Variants in TXK observed in about 807,000 individuals in gnomAD.
The protein encoded by TXK is tyrosine-protein kinase TXK.
Under a neutral mutation model 81.0 loss-of-function variants are expected in TXK, and 60 were observed. The observed-to-expected ratio is 0.74, with a 90% CI of 0.60 to 0.92. The LOEUF is 0.92. Among genes scored for constraint, TXK ranks in the 40% least tolerant of loss-of-function variants. The pLI, the probability that TXK is intolerant of heterozygous loss-of-function variation, is 0.00. For synonymous variants in TXK, 203 were observed against 210.7 expected, an observed-to-expected ratio of 0.96 and a Z score of 0.32; for missense variants, 581 against 638.3, an observed-to-expected ratio of 0.91 and a Z score of 0.97.
At chr4:48,073,878 A>ACACATTGCC in intron 13 of TXK, 57 bp downstream of exon 13, 1 of 1,143,786 alleles carries the variant, frequency 8.7e-7, no homozygotes, top group South Asian at 1.5e-5. Flanking sequence ...GTTAAAAATA[A>ACACATTGCC]CACATTGCCC....
At chr4:48,097,072 TAATA>T (rs1201711390) in intron 6 of TXK, among the ~76,000 whole-genome samples, 1 of 151,990 alleles carries the variant, frequency 6.6e-6, no homozygotes, top group African/African-American at 2.4e-5. Flanking sequence ...AGAAATAAAT[TAATA>T]AAGACAAAAC....
intron 5 of TXK, 51 bp from the exon 6 acceptor site, chr4:48,105,006 G>GA (rs1718406616): frequency 1.5e-6 from 2 of 1,323,842 alleles, no homozygotes; most frequent in Admixed American, 2.2e-5. Flanking sequence ...ATTTTTTTAA[G>GA]AAAAAAGTGC....
intron 1 of TXK, among the ~76,000 whole-genome samples, chr4:48,131,161 CCT>C (rs1271093424): frequency 2.0e-5 from 3 of 152,096 alleles, no homozygotes; most frequent in African/African-American, 7.2e-5. Flanking sequence ...GGAGCAGTGC[CCT>C]GAGACCCCAC....
intron 13 of TXK, among the ~76,000 whole-genome samples, chr4:48,073,050 G>T (rs1281550419): frequency 6.6e-6 from 1 of 151,508 alleles, no homozygotes; most frequent in East Asian, 1.9e-4. Context: ...TCAGCCTCCC[G>T]AGGAACTGGG....
At chr4:48,114,671 C>A in intron 1 of TXK, 1 of 406,896 alleles carries the variant, frequency 2.5e-6, no homozygotes, top group Admixed American at 4.0e-5. Flanking sequence ...CCAGTGTATT[C>A]TCTTTTACCT....
chr4:48,105,319 T>C (rs1718417585), intron 5 of TXK, among the ~76,000 whole-genome samples: 1 of 152,198 alleles, frequency 6.6e-6, no homozygotes, highest in Non-Finnish European at 1.5e-5. Flanking sequence ...CTGTCTTTCC[T>C]CTCAGAAACT....
At chr4:48,068,788 G>T (rs933599492) in intron 14 of TXK, among the ~76,000 whole-genome samples, 1 of 152,156 alleles carries the variant, frequency 6.6e-6, no homozygotes, top group African/African-American at 2.4e-5. Context: ...ATTGACAGTA[G>T]GGTCAGCGGA....
intron 6 of TXK, among the ~76,000 whole-genome samples, chr4:48,096,351 T>C (rs1164768848): frequency 6.6e-6 from 1 of 152,176 alleles, no homozygotes; most frequent in Non-Finnish European, 1.5e-5. Flanking sequence ...CAAACAAGTA[T>C]ATATAATATG....
rs571614468 is a variant in TXK at position 48,073,117 on chromosome 4, G to T, written c.1357+818C>A. Among the ~76,000 whole-genome samples the T allele has an allele frequency of 5.3e-5, 7 of 131,548 alleles. No homozygotes were observed. In the South Asian group the frequency reaches 1.7e-3, roughly 32 times the overall value. The allele number at this position is 131,548 out of a possible 152,430, so 86.3% of individuals were successfully genotyped here. ...TTTTTTTTTTTTTTTTGTAAAGACA[G>T]AGTCTTGCTAGGTTGCCCAGGCTAG... On this transcript the variant is annotated intron_variant, in intron 13 of 14. Transcript: ENST00000264316.
intron 6 of TXK, among the ~76,000 whole-genome samples, chr4:48,097,002 A>G (rs1718006701): frequency 6.6e-6 from 1 of 152,330 alleles, no homozygotes; most frequent in African/African-American, 2.4e-5. Flanking sequence ...AATAAAAATA[A>G]GCATATTCAA....
rs760259491 is a variant in TXK, at chr4:48,114,381, A to G, written c.38T>C (p.Phe13Ser). 9.3e-6 allele frequency: 15 copies of G among 1,614,150 alleles called. No homozygotes were observed. In the South Asian group the frequency reaches 1.6e-4, roughly 18 times the overall value. ...LSSYNTIQSVFCCCCCCSVQK... is the reference protein window; with the variant it reads ...LSSYNTIQSVSCCCCCCSVQK... ...CACTGAACAGCAACAGCAGCAACAGAAAACCGACTGGATGGTGTTATCTGA... is the reference window on the plus strand; with the variant it reads ...CACTGAACAGCAACAGCAGCAACAGGAAACCGACTGGATGGTGTTATCTGA... The change falls in exon 2 of 15, where the codon TTC (phenylalanine) becomes TCC (serine). Residue 13 changes from phenylalanine (F) to serine (S), a missense_variant. Coordinates refer to ENST00000264316, the MANE Select transcript of TXK (RefSeq NM_003328.3).
intron 14 of TXK, among the ~76,000 whole-genome samples, chr4:48,069,878 A>G (rs1393593739): frequency 1.3e-5 from 2 of 152,206 alleles, no homozygotes; most frequent in Non-Finnish European, 2.9e-5. Flanking sequence ...TATTGCAAAG[A>G]TGCTCCTAAA....
At chr4:48,074,614 T>C (rs552719712) in intron 12 of TXK, among the ~76,000 whole-genome samples, 1 of 152,250 alleles carries the variant, frequency 6.6e-6, no homozygotes, top group East Asian at 1.9e-4. Flanking sequence ...AACTACCGTC[T>C]CCTTAAAAAA....
At position 48,088,175 on chromosome 4, in the gene TXK, G is replaced by A. The variant is rs1482590677; in HGVS notation, c.785-1538C>T. 3.9e-5 allele frequency among the ~76,000 whole-genome samples: 6 copies of A among 152,136 alleles called. No homozygotes were observed. The East Asian group carries it at 1.2e-3, about 29-fold the overall frequency. ...AACCTAGAATAAAATATTGGCAAGGGCAAAGGTATGGAGCCGCTAGAACTT... is the reference window on the plus strand; with the variant it reads ...AACCTAGAATAAAATATTGGCAAGGACAAAGGTATGGAGCCGCTAGAACTT... On this transcript the variant is annotated intron_variant, in intron 9 of 14. Coordinates refer to ENST00000264316, the MANE Select transcript of TXK (RefSeq NM_003328.3).
intron 9 of TXK, among the ~76,000 whole-genome samples, chr4:48,088,090 T>C (rs1466606211): frequency 6.6e-6 from 1 of 151,928 alleles, no homozygotes; most frequent in East Asian, 1.9e-4. Context: ...ATCAGGGAAA[T>C]GTAAATTTAG....
chr4:48,073,001 T>C (rs1410998603), intron 13 of TXK, among the ~76,000 whole-genome samples: 1 of 152,110 alleles, frequency 6.6e-6, no homozygotes, highest in Non-Finnish European at 1.5e-5. Flanking sequence ...CCTAGCTTAC[T>C]ATAACCTCAA....
At chr4:48,093,952 G>A in intron 8 of TXK, 125 bp downstream of exon 8, 1 of 1,296,070 alleles carries the variant, frequency 7.7e-7, no homozygotes, top group Non-Finnish European at 1.1e-6. Context: ...AAGATAAGTT[G>A]TACTTCAAGC....
Position 48,067,388 on chromosome 4 carries a change from T to C in TXK, c.*249A>G, listed in dbSNP as rs1180019259. The C allele has an allele frequency of 4.6e-6, 2 of 438,320 alleles. No individual in the cohort carries two copies. The highest frequency in any genetic ancestry group is 4.0e-5 in the Admixed American group (1 of 24,950). 27.2% of individuals were successfully genotyped at this position (438,320 alleles called of 1,614,324 possible). On this transcript the variant is annotated 3_prime_UTR_variant, in exon 15 of 15. Coordinates refer to ENST00000264316, the MANE Select transcript of TXK (RefSeq NM_003328.3). Reference sequence around the variant, plus strand: ...ACTGCTGCGAAGTCTTTTTCACTTCTTCACATTTGGGATGTGAAATATTTT... The same window carrying C: ...ACTGCTGCGAAGTCTTTTTCACTTCCTCACATTTGGGATGTGAAATATTTT...
chr4:48,083,160 T>C lies in TXK; in HGVS notation c.957-3032A>G, dbSNP rs1278001501. ...CTACAACGCAGACCCACTTGGGCTT[T>C]GGGAGTTGCAGACACCCACCCCTAG... On this transcript the variant is annotated intron_variant, in intron 10 of 14. Coordinates refer to ENST00000264316, the MANE Select transcript of TXK (RefSeq NM_003328.3). Among the ~76,000 whole-genome samples, 3 of 152,198 alleles carry C rather than the reference T, an allele frequency of 2.0e-5. No homozygotes were observed. The East Asian group carries it at 5.8e-4, about 29-fold the overall frequency.
Sources: allele counts gnomAD v4.1 joint callset (sites outside exome capture counted in the v4.1 genomes callset), GRCh38; gene constraint gnomAD v4.1.1; transcripts MANE v1.5; gene names NCBI Gene and HGNC (gene_info 2026-07-23, HGNC 2026-07-21).